MINDY2: variants seen among roughly 807,000 people sequenced by gnomAD.
MINDY2 encodes the protein MINDY lysine 48 deubiquitinase 2, also known as ubiquitin carboxyl-terminal hydrolase MINDY-2.
A neutral mutation model predicts 68.2 loss-of-function variants in MINDY2; 52 were observed. That is an observed-to-expected ratio of 0.76 (90% CI 0.61 to 0.96). MINDY2 has a LOEUF of 0.96. Ranked by LOEUF, MINDY2 falls within the 40% of genes least tolerant of loss-of-function variation. The pLI, the probability that MINDY2 is intolerant of heterozygous loss-of-function variation, is 0.00. For missense variants in MINDY2, 881 were observed against 773.4 expected, an observed-to-expected ratio of 1.14 and a Z score of -1.65; for synonymous variants, 372 against 303.0, an observed-to-expected ratio of 1.23 and a Z score of -2.36.
chr15:58,838,969 A>G (rs1208960854), intron 6 of MINDY2, among the ~76,000 whole-genome samples: 4 of 152,304 alleles, frequency 2.6e-5, no homozygotes, highest in East Asian at 1.9e-4. Context: ...ACCTAGGCCA[A>G]CAGGGGAAAG....
chr15:58,817,073 CAA>C (rs1276311704), intron 4 of MINDY2, among the ~76,000 whole-genome samples: 2 of 152,074 alleles, frequency 1.3e-5, no homozygotes, highest in East Asian at 1.9e-4. Context: ...ATTTCAAAAA[CAA>C]GATACAAACC....
At chr15:58,808,678 C>T (rs557758931) in intron 3 of MINDY2, among the ~76,000 whole-genome samples, 1 of 152,264 alleles carries the variant, frequency 6.6e-6, no homozygotes, top group East Asian at 1.9e-4. Flanking sequence ...AATCTTGGCT[C>T]ACTGCAAGCT....
At chr15:58,799,467 T>A (rs901032529) in intron 2 of MINDY2, among the ~76,000 whole-genome samples, 1 of 151,222 alleles carries the variant, frequency 6.6e-6, no homozygotes, top group Non-Finnish European at 1.5e-5. Flanking sequence ...CTTGGGAGGC[T>A]GAGGCTGAGG....
intron 4 of MINDY2, among the ~76,000 whole-genome samples, chr15:58,814,209 C>A (rs572841994): frequency 6.6e-6 from 1 of 151,978 alleles, no homozygotes; most frequent in Admixed American, 6.6e-5. Context: ...CAGAGTGCTG[C>A]GATTACAGGC....
At chr15:58,777,811 C>CG (rs1246438517) in intron 1 of MINDY2, among the ~76,000 whole-genome samples, 1 of 151,884 alleles carries the variant, frequency 6.6e-6, no homozygotes, top group African/African-American at 2.4e-5. Context: ...TTTATGGAGA[C>CG]GGGGTCTCAC....
intron 1 of MINDY2, 71 bp downstream of exon 1, chr15:58,772,306 T>G (rs1900485664): frequency 1.3e-6 from 2 of 1,580,754 alleles, no homozygotes; most frequent in East Asian, 4.5e-5. Context: ...AGCTGCTGCA[T>G]GTCAGGTGAT....
intron 1 of MINDY2, 139 bp from the exon 2 acceptor site, chr15:58,787,767 A>G (rs1367508484): frequency 6.5e-6 from 3 of 459,860 alleles, no homozygotes; most frequent in Non-Finnish European, 1.1e-5. Context: ...CTGGCTATAA[A>G]GATTCTAATA....
rs1332300815 is a variant in MINDY2 at position 58,821,810 on chromosome 15, G to A, written c.1216G>A (p.Val406Ile). The change falls in exon 5 of 9, where the codon GTT (valine) becomes ATT (isoleucine). Residue 406 changes from valine (V) to isoleucine (I), a missense_variant. By Grantham distance (29) the Val-to-Ile change is conservative (BLOSUM62 3). Coordinates refer to ENST00000559228, the MANE Select transcript of MINDY2 (RefSeq NM_001040450.3). ...TAAACAGTCAGACAATAGTGAGCTGGTTAGTGAAGGTGGGTGAGTGCTGCT... is the reference window on the plus strand; with the variant it reads ...TAAACAGTCAGACAATAGTGAGCTGATTAGTGAAGGTGGGTGAGTGCTGCT... ...SCKQSDNSEL[V>I]SEGFVAEQFL... The A allele has an allele frequency of 1.3e-6, 2 of 1,582,560 alleles. No individual in the cohort carries two copies. The highest frequency in any genetic ancestry group is 3.7e-5 in the Admixed American group (2 of 53,732).
At chr15:58,784,699 A>G in intron 1 of MINDY2, among the ~76,000 whole-genome samples, 1 of 141,078 alleles carries the variant, frequency 7.1e-6, no homozygotes, top group East Asian at 2.1e-4. Context: ...GGCTCACTTC[A>G]GCTTCAAATT....
chr15:58,828,737 A>G (rs1324717420), intron 5 of MINDY2, among the ~76,000 whole-genome samples: 1 of 151,214 alleles, frequency 6.6e-6, no homozygotes, highest in Non-Finnish European at 1.5e-5. Context: ...ATTTTTTTGT[A>G]TTTTTAGTAG....
chr15:58,812,543 A>G (rs139512673), intron 4 of MINDY2, among the ~76,000 whole-genome samples: 40 of 151,968 alleles, frequency 2.6e-4, no homozygotes, highest in Admixed American at 5.9e-4. Context: ...AAATATCAAA[A>G]CCAGGAAATT....
At chr15:58,800,674 T>C (rs1222090630) in intron 2 of MINDY2, among the ~76,000 whole-genome samples, 3 of 151,726 alleles carry the variant, frequency 2.0e-5, no homozygotes, top group Non-Finnish European at 2.9e-5. Flanking sequence ...TTTTTTTTTT[T>C]TTTGAAACGA....
rs1595793207 is a variant in MINDY2, at chr15:58,856,875, A to C, written c.*2265A>C. 6.6e-6 allele frequency: 1 copy of C among 152,250 alleles called. No individual in the cohort carries two copies. The highest frequency in any genetic ancestry group is 1.9e-4 in the East Asian group (1 of 5,204). The allele number at this position is 152,250 out of a possible 1,614,324, so 9.4% of individuals were successfully genotyped here. ...TCTGTTTATTGCCCATGGAAAATAT[A>C]TGTGTAGAAGTATTTCTTCTGTTAT... On this transcript the variant is annotated 3_prime_UTR_variant, in exon 9 of 9. Transcript: ENST00000559228.
At chr15:58,829,492 G>GA (rs1188376361) in intron 5 of MINDY2, among the ~76,000 whole-genome samples, 17 of 152,162 alleles carry the variant, frequency 1.1e-4, no homozygotes, top group Non-Finnish European at 2.4e-4. Context: ...AAGTAGCTGA[G>GA]AAAGACCTTT....
rs2033148055 is a variant in MINDY2, at chr15:58,859,212, A to G, written c.*4602A>G. 1.3e-5 allele frequency: 2 copies of G among 152,098 alleles called. No individual in the cohort carries two copies. Among genetic ancestry groups the G allele is most frequent in the Non-Finnish European group, 2.9e-5 (2 of 67,968 alleles). 9.4% of individuals were successfully genotyped at this position (152,098 alleles called of 1,614,324 possible). A position where few individuals can be genotyped will look rare whatever the true frequency, so the allele number is the denominator to read the frequency against. On this transcript the variant is annotated 3_prime_UTR_variant, in exon 9 of 9. Coordinates refer to ENST00000559228, the MANE Select transcript of MINDY2 (RefSeq NM_001040450.3). The stretch of plus-strand genomic sequence containing the variant: ...GAGTCAAAATCAAGAGTATTTTGAG[A>G]GGATCAGAAGCATTTAAAAATCTAT...
intron 8 of MINDY2, among the ~76,000 whole-genome samples, chr15:58,853,254 A>C (rs1003361868): frequency 4.0e-5 from 6 of 151,860 alleles, no homozygotes; most frequent in Non-Finnish European, 8.8e-5. Flanking sequence ...CGCCTGGCCT[A>C]AACTGTTCAT....
At position 58,771,852 on chromosome 15, in the gene MINDY2, A is replaced by AG. The variant is rs747740122; in HGVS notation, c.458dup (p.Ser153ArgfsTer29). On this transcript the variant is annotated frameshift_variant, in exon 1 of 9. Coordinates refer to ENST00000559228, the MANE Select transcript of MINDY2 (RefSeq NM_001040450.3). LOFTEE classifies it high-confidence loss of function. ...CGCCGCCGGCTCCGAAGAGCCCAGCAGCGCCGGCGGCCTCAGCAGCAGTTG... is the reference window on the plus strand; with the variant it reads ...CGCCGCCGGCTCCGAAGAGCCCAGCAGGCGCCGGCGGCCTCAGCAGCAGTTG... 1 of 1,595,208 alleles carries AG rather than the reference A, an allele frequency of 6.3e-7. No individual in the cohort carries two copies. Among genetic ancestry groups the AG allele is most frequent in the South Asian group, 1.1e-5 (1 of 89,454 alleles).
Position 58,859,161 on chromosome 15 carries a change from G to A in MINDY2, c.*4551G>A, listed in dbSNP as rs2033146439. 6.6e-6 allele frequency: 1 copy of A among 151,984 alleles called. No homozygotes were observed. Among genetic ancestry groups the A allele is most frequent in the South Asian group, 2.1e-4 (1 of 4,820 alleles). 9.4% of individuals were successfully genotyped at this position (151,984 alleles called of 1,614,324 possible). On this transcript the variant is annotated 3_prime_UTR_variant, in exon 9 of 9. Transcript: ENST00000559228. The stretch of plus-strand genomic sequence containing the variant: ...GATCTCTTCCCAAATGCATTTTACA[G>A]TTTTTTGTGTGTTCTATAGACTATA...
At chr15:58,841,040 G>C (rs1255302596) in intron 6 of MINDY2, among the ~76,000 whole-genome samples, 1 of 150,914 alleles carries the variant, frequency 6.6e-6, no homozygotes, top group Non-Finnish European at 1.5e-5. Flanking sequence ...AGAGTGCAGT[G>C]GCATGATCTT....
Sources: allele counts gnomAD v4.1 joint callset (sites outside exome capture counted in the v4.1 genomes callset), GRCh38; gene constraint gnomAD v4.1.1; transcripts MANE v1.5; gene names NCBI Gene and HGNC (gene_info 2026-07-23, HGNC 2026-07-21).